Variants in MRPL42 observed in about 807,000 individuals in gnomAD.
MRPL42 encodes the protein mitochondrial ribosomal protein L42, also known as large ribosomal subunit protein mL42.
In MRPL42, 17 loss-of-function variants were observed where a neutral mutation model predicts 17.9. That is an observed-to-expected ratio of 0.95 (90% confidence interval 0.65 to 1.42). The LOEUF (loss-of-function observed/expected upper bound fraction) is 1.42, where lower values mean the gene tolerates loss of function less well. Ranked by LOEUF, MRPL42 falls within the 40% of genes most tolerant of loss-of-function variation. MRPL42 has a pLI of 0.00. For missense variants in MRPL42, 177 were observed against 175.2 expected, an observed-to-expected ratio of 1.01 and a Z score of -0.06; for synonymous variants, 59 against 54.4, an observed-to-expected ratio of 1.08 and a Z score of -0.37.
chr12:93,497,759 C>T (rs1197836272), intron 5 of MRPL42, among the ~76,000 whole-genome samples: 2 of 148,030 alleles, frequency 1.4e-5, no homozygotes, highest in Non-Finnish European at 3.0e-5. Context: ...AAAAAAAAGG[C>T]GTCCACTCAG....
chr12:93,484,266 C>G (rs554128221), intron 4 of MRPL42, among the ~76,000 whole-genome samples: 1 of 151,894 alleles, frequency 6.6e-6, no homozygotes, highest in Non-Finnish European at 1.5e-5. Flanking sequence ...TTGGTTGAGA[C>G]GGGGTCTCAC....
In MRPL42 at chr12:93,487,574, A is replaced by G. The variant is rs1455019153; in HGVS notation, c.297A>G (p.Lys99=). The G allele has an allele frequency of 1.2e-6, 2 of 1,613,302 alleles. No homozygotes were observed. The highest frequency in any genetic ancestry group is 4.5e-5 in the East Asian group (2 of 44,874). The part of the protein sequence containing the change: ...DQVLKTRLEE[K]VEHLEEGPMI... ...TGCTGAAAACCAGATTGGAAGAAAA[A>G]GTTGAACACCTTGAGGAAGGACCTA... Residue 99 remains lysine (K), a synonymous_variant, in exon 5 of 6, where the codon AAA becomes AAG. Transcript: ENST00000549982.
intron 2 of MRPL42, among the ~76,000 whole-genome samples, chr12:93,472,494 A>G (rs1045297814): frequency 2.6e-5 from 4 of 152,164 alleles, no homozygotes; most frequent in African/African-American, 9.7e-5. Context: ...AGGCTGAGGT[A>G]GGAAGATTGC....
intron 2 of MRPL42, among the ~76,000 whole-genome samples, chr12:93,472,364 C>T (rs1435170987): frequency 6.6e-5 from 10 of 152,094 alleles, no homozygotes. Flanking sequence ...CTGAAGCAGG[C>T]TCTGAAGTTT....
intron 5 of MRPL42, among the ~76,000 whole-genome samples, chr12:93,491,968 T>C (rs1159266360): frequency 6.6e-6 from 1 of 152,338 alleles, no homozygotes; most frequent in East Asian, 1.9e-4. Context: ...TTTATGTCTG[T>C]ATAGTATTCC....
intron 2 of MRPL42, among the ~76,000 whole-genome samples, chr12:93,470,768 G>A (rs1879872844): frequency 6.6e-6 from 1 of 152,224 alleles, no homozygotes; most frequent in African/African-American, 2.4e-5. Context: ...AGCTGCATCT[G>A]TGTTGCTGTA....
chr12:93,478,909 CTTTTA>C, intron 3 of MRPL42, among the ~76,000 whole-genome samples: 1 of 141,200 alleles, frequency 7.1e-6, no homozygotes, highest in Non-Finnish European at 1.5e-5. Flanking sequence ...TTAATTTTAG[CTTTTA>C]TTTATTTATT....
At chr12:93,487,392 A>G in intron 4 of MRPL42, 105 bp from the exon 5 acceptor site, 1 of 1,021,810 alleles carries the variant, frequency 9.8e-7, no homozygotes, top group Non-Finnish European at 1.4e-6. Context: ...ACCCTAAAGT[A>G]CTATAGTGAA....
chr12:93,490,959 C>T (rs1036330320), intron 5 of MRPL42, among the ~76,000 whole-genome samples: 1 of 152,116 alleles, frequency 6.6e-6, no homozygotes, highest in Non-Finnish European at 1.5e-5. Flanking sequence ...GGTGCCATCT[C>T]GGCTCACTGC....
intron 5 of MRPL42, among the ~76,000 whole-genome samples, chr12:93,496,453 C>T (rs1317199776): frequency 3.3e-5 from 5 of 151,750 alleles, no homozygotes; most frequent in African/African-American, 1.2e-4. Flanking sequence ...ACCTAATAAA[C>T]TATAATTATA....
chr12:93,473,171 C>T (rs1879988546), intron 2 of MRPL42, among the ~76,000 whole-genome samples: 1 of 152,166 alleles, frequency 6.6e-6, no homozygotes. Flanking sequence ...TTGCTGTTAA[C>T]TTTGGCATTG....
chr12:93,477,050 G>A (rs1880217757), intron 3 of MRPL42, 33 bp downstream of exon 3: 2 of 1,407,602 alleles, frequency 1.4e-6, no homozygotes, highest in Non-Finnish European at 2.0e-6. Context: ...AGAAATAATA[G>A]TCTTAGCTAT....
chr12:93,516,047 T>C lies in MRPL42; in HGVS notation c.*14826T>C, dbSNP rs1368699404. 1 of 152,216 alleles carries C rather than the reference T, an allele frequency of 6.6e-6. No homozygotes were observed. The highest frequency in any genetic ancestry group is 1.9e-4 in the East Asian group (1 of 5,190). The allele number at this position is 152,216 out of a possible 1,614,324, so 9.4% of individuals were successfully genotyped here. ...TGAGATAATCATGAAATTCTCCTTC[T>C]TTCTGATAGTATCCAATCTGGAGCA... On this transcript the variant is annotated 3_prime_UTR_variant, in exon 6 of 6. Transcript: ENST00000549982.
At chr12:93,477,565 A>G (rs1880240516) in intron 3 of MRPL42, among the ~76,000 whole-genome samples, 1 of 152,210 alleles carries the variant, frequency 6.6e-6, no homozygotes, top group African/African-American at 2.4e-5. Context: ...ATTATAATAA[A>G]AATATTTTTT....
intron 4 of MRPL42, among the ~76,000 whole-genome samples, chr12:93,487,094 G>A (rs1310633557): frequency 6.6e-6 from 1 of 152,148 alleles, no homozygotes; most frequent in Non-Finnish European, 1.5e-5. Context: ...CTCTTGAGTA[G>A]CTGGGACTGC....
At chr12:93,486,960 G>A (rs1207885065) in intron 4 of MRPL42, among the ~76,000 whole-genome samples, 3 of 149,946 alleles carry the variant, frequency 2.0e-5, no homozygotes, top group African/African-American at 2.5e-5. Context: ...CACCACACCC[G>A]GCCTTTCTAT....
In MRPL42 at chr12:93,502,469, C is replaced by A. The variant is rs146746826; in HGVS notation, c.*1248C>A. On this transcript the variant is annotated 3_prime_UTR_variant, in exon 6 of 6. Coordinates refer to ENST00000549982, the MANE Select transcript of MRPL42 (RefSeq NM_014050.4). The stretch of plus-strand genomic sequence containing the variant: ...AATTTCTCAAAGTCTATTGTTTGAT[C>A]TAGTTATTTTAATAAAGGAACTCTA... 1 of 152,126 alleles carries A rather than the reference C, an allele frequency of 6.6e-6. No individual in the cohort carries two copies. Among genetic ancestry groups the A allele is most frequent in the South Asian group, 2.1e-4 (1 of 4,828 alleles). 9.4% of individuals were successfully genotyped at this position (152,126 alleles called of 1,614,324 possible). A position where few individuals can be genotyped will look rare whatever the true frequency, so the allele number is the denominator to read the frequency against.
chr12:93,478,152 CACCA>C (rs1246222002), intron 3 of MRPL42, among the ~76,000 whole-genome samples: 1 of 151,848 alleles, frequency 6.6e-6, no homozygotes, highest in East Asian at 1.9e-4. Context: ...AACGGGGTTT[CACCA>C]TGTTGCCCAG....
At position 93,469,180 on chromosome 12, in the gene MRPL42, T is replaced by C. The variant is rs192000329; in HGVS notation, c.-94-12T>C. 6.1e-3 allele frequency: 4,817 copies of C among 788,954 alleles called. 30 individuals are homozygous for C. Among genetic ancestry groups the C allele is most frequent in the South Asian group, 0.016 (831 of 53,016 alleles). 48.9% of individuals were successfully genotyped at this position (788,954 alleles called of 1,614,324 possible). ...CATAGGTAGCACTGATTTTTCTTTA[T>C]CTCTTCAGCAGGAGTAGAAATTGGT... On this transcript the variant is annotated splice_polypyrimidine_tract_variant and intron_variant, in intron 1 of 5. Coordinates refer to ENST00000549982, the MANE Select transcript of MRPL42 (RefSeq NM_014050.4).
Sources: allele counts gnomAD v4.1 joint callset (sites outside exome capture counted in the v4.1 genomes callset), GRCh38; gene constraint gnomAD v4.1.1; transcripts MANE v1.5; gene names NCBI Gene and HGNC (gene_info 2026-07-23, HGNC 2026-07-21).